MAGI2: variants seen among roughly 807,000 people sequenced by gnomAD.
MAGI2 encodes the protein membrane associated guanylate kinase, WW and PDZ domain containing 2.
MAGI2 carries 35 observed loss-of-function variants against 133.3 expected under a neutral mutation model. The ratio of observed to expected loss-of-function variants is 0.26; its 90% CI spans 0.20 to 0.35. The LOEUF (loss-of-function observed/expected upper bound fraction) is 0.35. Ranked by LOEUF, MAGI2 falls within the 10% of genes least tolerant of loss-of-function variation. The pLI is 1.00. For synonymous variants in MAGI2, 729 were observed against 710.6 expected, an observed-to-expected ratio of 1.03 and a Z score of -0.41; for missense variants, 1,636 against 1,863.4, an observed-to-expected ratio of 0.88 and a Z score of 2.25.
chr7:78,406,873 A>AT (rs1300517387), intron 6 of MAGI2, among the ~76,000 whole-genome samples: 5 of 152,074 alleles, frequency 3.3e-5, no homozygotes, highest in African/African-American at 1.2e-4. Flanking sequence ...AGCTTCCTAA[A>AT]TTCATGACCA....
intron 20 of MAGI2, among the ~76,000 whole-genome samples, chr7:78,093,269 C>T (rs541614878): frequency 4.6e-5 from 7 of 150,824 alleles, no homozygotes; most frequent in African/African-American, 1.5e-4. Context: ...ACTAGCCTGG[C>T]CAATATGTTG....
intron 2 of MAGI2, among the ~76,000 whole-genome samples, chr7:78,886,358 A>G (rs1291344654): frequency 6.6e-6 from 1 of 152,242 alleles, no homozygotes; most frequent in Non-Finnish European, 1.5e-5. Context: ...TTGATTCTTG[A>G]CAACTTTAAT....
chr7:79,206,466 TAGA>T (rs112149889), intron 1 of MAGI2, among the ~76,000 whole-genome samples: 14,331 of 151,712 alleles, frequency 0.094, 2,351 homozygotes, highest in African/African-American at 0.33. Flanking sequence ...TTGGATAATC[TAGA>T]AGAAGTGGAC....
intron 9 of MAGI2, among the ~76,000 whole-genome samples, chr7:78,287,941 ATCTT>A (rs1221041211): frequency 1.3e-5 from 2 of 152,184 alleles, no homozygotes; most frequent in African/African-American, 2.4e-5. Context: ...TGTGTCAAAC[ATCTT>A]TCTATCAGGA....
At chr7:78,494,525 C>G (rs1554441322) in intron 5 of MAGI2, among the ~76,000 whole-genome samples, 1 of 152,002 alleles carries the variant, frequency 6.6e-6, no homozygotes, top group Non-Finnish European at 1.5e-5. Context: ...GGGTACAAAC[C>G]TTTTTTCCAT....
At chr7:79,285,355 G>C (rs1214541727) in intron 1 of MAGI2, among the ~76,000 whole-genome samples, 1 of 152,034 alleles carries the variant, frequency 6.6e-6, no homozygotes, top group East Asian at 1.9e-4. Context: ...TTGTTCAAGA[G>C]AGAGCTCATA....
chr7:79,084,752 A>G (rs1001094359), intron 1 of MAGI2, among the ~76,000 whole-genome samples: 1 of 151,860 alleles, frequency 6.6e-6, no homozygotes, highest in Non-Finnish European at 1.5e-5. Flanking sequence ...TCCAACTAAT[A>G]CTGTTGAATT....
At chr7:78,503,764 G>A (rs1471601716) in intron 4 of MAGI2, among the ~76,000 whole-genome samples, 2 of 144,702 alleles carry the variant, frequency 1.4e-5, no homozygotes, top group East Asian at 4.1e-4. Flanking sequence ...GGTATTTCTT[G>A]CATCATATGA....
chr7:78,755,184 C>G (rs560133837), intron 2 of MAGI2, among the ~76,000 whole-genome samples: 1 of 152,214 alleles, frequency 6.6e-6, no homozygotes, highest in South Asian at 2.1e-4. Context: ...GGGAGAGACA[C>G]TAAATGATCC....
intron 1 of MAGI2, among the ~76,000 whole-genome samples, chr7:79,376,662 C>A (rs573493186): frequency 4.0e-5 from 6 of 151,802 alleles, no homozygotes; most frequent in Non-Finnish European, 7.4e-5. Context: ...CAGGGTCATG[C>A]GAAATTTCAT....
intron 9 of MAGI2, among the ~76,000 whole-genome samples, chr7:78,328,995 T>C (rs1244453301): frequency 2.6e-5 from 4 of 152,196 alleles, no homozygotes; most frequent in Non-Finnish European, 5.9e-5. Flanking sequence ...CAATATTTCA[T>C]ATACGTAGTA....
rs1417468988 is a variant in MAGI2, at chr7:78,568,242, A to AAT, written c.539-46598_539-46597insAT. The AAT allele has an allele frequency of 4.6e-5, 7 of 152,164 alleles. No homozygotes were observed. The East Asian group carries it at 1.4e-3, about 29-fold the overall frequency. The allele number at this position is 152,164 out of a possible 1,614,324, so 9.4% of individuals were successfully genotyped here. On this transcript the variant is annotated intron_variant, in intron 3 of 21. Coordinates refer to ENST00000354212, the MANE Select transcript of MAGI2 (RefSeq NM_012301.4). Reference sequence around the variant, plus strand: ...CTATACTCATTTCCTATATGAAGTCATTCAGTCTTATGGATTTAAATACCA... The same window carrying AAT: ...CTATACTCATTTCCTATATGAAGTCAATTTCAGTCTTATGGATTTAAATACCA...
intron 2 of MAGI2, among the ~76,000 whole-genome samples, chr7:78,790,103 ATAT>A (rs1382870083): frequency 1.3e-5 from 2 of 152,170 alleles, no homozygotes; most frequent in Non-Finnish European, 2.9e-5. Context: ...TCATGAAATA[ATAT>A]TTTCACTTGT....
At chr7:79,292,692 C>CT (rs1836588764) in intron 1 of MAGI2, among the ~76,000 whole-genome samples, 1 of 134,930 alleles carries the variant, frequency 7.4e-6, no homozygotes, top group African/African-American at 2.8e-5. Context: ...TATCTTTGTT[C>CT]TTTTTCAGGA....
chr7:78,290,797 C>T (rs908266726), intron 9 of MAGI2, among the ~76,000 whole-genome samples: 8 of 152,162 alleles, frequency 5.3e-5, no homozygotes, highest in Non-Finnish European at 1.0e-4. Flanking sequence ...ACTCAAAAAC[C>T]GCTCAGCTAC....
intron 1 of MAGI2, among the ~76,000 whole-genome samples, chr7:79,312,616 C>A (rs898331006): frequency 1.3e-5 from 2 of 152,074 alleles, no homozygotes; most frequent in African/African-American, 4.8e-5. Context: ...TGTTTATTGT[C>A]TATAATTCCT....
intron 3 of MAGI2, among the ~76,000 whole-genome samples, chr7:78,606,956 A>T (rs370870477): frequency 2.6e-5 from 4 of 152,166 alleles, no homozygotes; most frequent in African/African-American, 9.7e-5. Context: ...TTCTTTATAC[A>T]TACTTCTAAA....
intron 20 of MAGI2, among the ~76,000 whole-genome samples, chr7:78,092,632 A>G (rs1310321985): frequency 1.3e-5 from 2 of 152,224 alleles, no homozygotes; most frequent in Non-Finnish European, 2.9e-5. Context: ...AAATAAAAAC[A>G]TAAAGCTTTC....
chr7:78,744,418 T>C (rs1430749277), intron 2 of MAGI2, among the ~76,000 whole-genome samples: 1 of 152,202 alleles, frequency 6.6e-6, no homozygotes, highest in Non-Finnish European at 1.5e-5. Context: ...TTAGTTTCAT[T>C]TGCAAATTTT....
Sources: gnomAD v4.1 joint callset for allele counts (sites outside exome capture counted in the v4.1 genomes callset) on GRCh38, gnomAD v4.1.1 for gene constraint, MANE v1.5 for transcripts, NCBI Gene and HGNC (gene_info 2026-07-23, HGNC 2026-07-21) for gene names.